Variants in RYR1 observed in about 807,000 individuals in gnomAD.
The protein encoded by RYR1 is ryanodine receptor 1.
In RYR1, 342 loss-of-function variants were observed where a neutral mutation model predicts 583.5. That is an observed-to-expected ratio of 0.59 (90% confidence interval 0.54 to 0.64). RYR1 has a LOEUF of 0.64. Ranked by LOEUF, RYR1 falls within the 30% of genes least tolerant of loss-of-function variation. The pLI is 0.00. For missense variants in RYR1, 6,032 were observed against 6,917.2 expected, an observed-to-expected ratio of 0.87 and a Z score of 4.54; for synonymous variants, 2,791 against 2,822.5, an observed-to-expected ratio of 0.99 and a Z score of 0.35.
At position 38,440,859 on chromosome 19, in the gene RYR1, G is replaced by A. The variant is rs749591578; in HGVS notation, c.160G>A (p.Ala54Thr). 3.1e-6 allele frequency: 5 copies of A among 1,612,088 alleles called. No individual in the cohort carries two copies. Among genetic ancestry groups the A allele is most frequent in the East Asian group, 2.2e-5 (1 of 44,860 alleles). ...RLCFLEPTSN[A>T]QNVPPDLAIC... ...GTGCTTCCTGGAGCCCACTAGCAAC[G>A]CGCAGGTCTGTGCAGGAGGGAGAGG... Residue 54 changes from alanine (A) to threonine (T), a missense_variant, in exon 2 of 106, where the codon GCG becomes ACG. This residue lies in a region of RYR1 where 71 missense variants were observed against 75.3 expected (regional missense o/e 0.94). Coordinates refer to ENST00000359596, the MANE Select transcript of RYR1 (RefSeq NM_000540.3).
At chr19:38,490,020 G>C in intron 35 of RYR1, 56 bp from the exon 36 acceptor site, 1 of 1,576,300 alleles carries the variant, frequency 6.3e-7, no homozygotes, top group Admixed American at 1.7e-5. Flanking sequence ...GAAGTTTCAA[G>C]GAAGTCCTGA....
intron 89 of RYR1, 130 bp from the exon 90 acceptor site, chr19:38,560,983 T>A: frequency 1.3e-5 from 10 of 792,732 alleles, no homozygotes; most frequent in Admixed American, 2.6e-5. Flanking sequence ...TGAGGCTGGG[T>A]TGAGCTGTGA....
Position 38,519,417 on chromosome 19 carries a change from C to A in RYR1, c.10222C>A (p.Leu3408Met), listed in dbSNP as rs749779472. Residue 3408 changes from leucine (L) to methionine (M), a missense_variant, in exon 67 of 106, where the codon CTG becomes ATG. Coordinates refer to ENST00000359596, the MANE Select transcript of RYR1 (RefSeq NM_000540.3). ...FSVLCRDLYA[L>M]YPLLIRYVDN... is the part of the protein sequence containing the mutation. ...TGTGCTCTGCCGGGACCTCTACGCC[C>A]TGTATCCGCTGCTCATCCGCTACGT... is the stretch of plus-strand genomic sequence containing the variant. The A allele has an allele frequency of 1.9e-6, 3 of 1,601,356 alleles. No individual in the cohort carries two copies. Among genetic ancestry groups the A allele is most frequent in the Non-Finnish European group, 2.6e-6 (3 of 1,174,998 alleles).
Position 38,485,613 on chromosome 19 carries a change from C to T in RYR1, c.4958C>T (p.Ser1653Leu), listed in dbSNP as rs1043661945. Reference sequence around the variant, plus strand: ...AGGTGCATGGACATCCTGGAGCTGTCGGAGCGCCTGGACCTGCAGCGCTTC... The same window carrying T: ...AGGTGCATGGACATCCTGGAGCTGTTGGAGCGCCTGGACCTGCAGCGCTTC... The part of the protein sequence containing the change: ...ENRCMDILEL[S>L]ERLDLQRFHS... Residue 1653 changes from serine (S) to leucine (L), a missense_variant, in exon 34 of 106, where the codon TCG becomes TTG. Ser to Leu is a moderately radical substitution (Grantham distance 145). This residue lies in a region of RYR1 where 2,627 missense variants were observed against 2,961.3 expected (regional missense o/e 0.89). Coordinates refer to ENST00000359596, the MANE Select transcript of RYR1 (RefSeq NM_000540.3). 5 of 1,609,674 alleles carry T rather than the reference C, an allele frequency of 3.1e-6. No homozygotes were observed. The highest frequency in any genetic ancestry group is 1.8e-4 in the Middle Eastern group (1 of 5,684).
At chr19:38,519,486 C>T (rs548687982) in intron 67 of RYR1, 32 bp downstream of exon 67, 24 of 1,571,412 alleles carry the variant, frequency 1.5e-5, no homozygotes, top group South Asian at 1.5e-4. Flanking sequence ...CCATGCCCTC[C>T]GCCCCGACCT....
rs1355994729 is a variant in RYR1 at position 38,565,191 on chromosome 19, C to A, written c.12857C>A (p.Ala4286Glu). 1 of 1,047,740 alleles carries A rather than the reference C, an allele frequency of 9.5e-7. No individual in the cohort carries two copies. The highest frequency in any genetic ancestry group is 1.1e-6 in the Non-Finnish European group (1 of 872,674). The allele number at this position is 1,047,740 out of a possible 1,614,324, so 64.9% of individuals were successfully genotyped here. ...GGCGCGGCGGGGCTCGAGGGCACGG[C>A]GGCCACGGCGGCGGCGGGGGCGACG... ...EEGAAGLEGT[A>E]ATAAAGATAR... is the part of the protein sequence containing the mutation. The change falls in exon 91 of 106, where the codon GCG becomes GAG. Residue 4286 changes from alanine (A) to glutamate (E), a missense_variant. Around this residue, in one of 11 missense-constraint regions of RYR1, gnomAD observed 753 missense variants for 759.6 expected, o/e 0.99. Transcript: ENST00000359596. The surrounding 1 kb of genome is among the most constrained non-coding windows in gnomAD (Gnocchi z 4.7).
rs961906973 is a variant in RYR1 at position 38,500,016 on chromosome 19, T to C, written c.7323T>C (p.His2441=). 4 of 1,613,612 alleles carry C rather than the reference T, an allele frequency of 2.5e-6. No individual in the cohort carries two copies. In the South Asian group the frequency reaches 3.3e-5, roughly 13 times the overall value. Residue 2441 remains histidine (H), a splice_region_variant and synonymous_variant, in exon 45 of 106, where the codon CAT becomes CAC. Transcript: ENST00000359596. The surrounding 1 kb of genome is among the most constrained non-coding windows in gnomAD (Gnocchi z 5.9). ...TCGGACGCTGTGCACCAGAGATGCATGTGAGACCCTGAGCCAGGGCAGGAT... is the reference window on the plus strand; with the variant it reads ...TCGGACGCTGTGCACCAGAGATGCACGTGAGACCCTGAGCCAGGGCAGGAT... ...DLLGRCAPEM[H]LIQAGKGEAL... is the part of the protein sequence containing the mutation.
chr19:38,467,156 C>T lies in RYR1; in HGVS notation c.3179-454C>T, dbSNP rs572787809. 4.6e-5 allele frequency among the ~76,000 whole-genome samples: 7 copies of T among 152,274 alleles called. No individual in the cohort carries two copies. The South Asian group carries it at 1.5e-3, about 32-fold the overall frequency. On this transcript the variant is annotated intron_variant, in intron 24 of 105. Coordinates refer to ENST00000359596, the MANE Select transcript of RYR1 (RefSeq NM_000540.3). Reference sequence around the variant, plus strand: ...ACCTATCACTGGCTTCCAATCCCAGCCTTGACCCCAAACCCTGGCCATGGT... The same window carrying T: ...ACCTATCACTGGCTTCCAATCCCAGTCTTGACCCCAAACCCTGGCCATGGT...
rs1399146871 is a variant in RYR1 at position 38,489,446 on chromosome 19, G to A, written c.5814+3G>A. The A allele has an allele frequency of 2.5e-6, 4 of 1,613,944 alleles. No homozygotes were observed. Among genetic ancestry groups the A allele is most frequent in the Admixed American group, 1.7e-5 (1 of 60,016 alleles). ...TGCCAGAGTCTGTGAAGTTACAGGT[G>A]GGCTGCTGCTTCCTGCTTTTCGGCC... is the stretch of plus-strand genomic sequence containing the variant. On this transcript the variant is annotated splice_donor_region_variant and intron_variant, in intron 35 of 105. Coordinates refer to ENST00000359596, the MANE Select transcript of RYR1 (RefSeq NM_000540.3).
intron 1 of RYR1, 33 bp from the exon 2 acceptor site, chr19:38,440,711 GC>G: frequency 1.9e-6 from 3 of 1,601,770 alleles, no homozygotes; most frequent in South Asian, 1.1e-5. Flanking sequence ...TCCGGGCCAG[GC>G]CCCCCTGGAG....
At chr19:38,456,726 A>T (rs10424073) in intron 16 of RYR1, among the ~76,000 whole-genome samples, 99,390 of 151,450 alleles carry the variant, frequency 0.66, 32,924 homozygotes, top group Middle Eastern at 0.7. Flanking sequence ...ATTCAGTCGG[A>T]GCAAAAGTAA....
chr19:38,585,880 A>AG (rs747943803), intron 102 of RYR1, 58 bp from the exon 103 acceptor site: 289 of 1,601,662 alleles, frequency 1.8e-4, no homozygotes, highest in Non-Finnish European at 2.3e-4. Flanking sequence ...GTAGCTGGAG[A>AG]GGGGGGAGTC....
chr19:38,517,713 C>G, intron 66 of RYR1, 22 bp downstream of exon 66: 1 of 1,608,804 alleles, frequency 6.2e-7, no homozygotes, highest in Non-Finnish European at 8.5e-7. Flanking sequence ...GGCACTGGGC[C>G]TCTGAGGGGT....
Position 38,489,722 on chromosome 19 carries a change from G to A in RYR1, c.5814+279G>A, listed in dbSNP as rs148816924. Among the ~76,000 whole-genome samples the A allele has an allele frequency of 8.4e-3, 1,279 of 152,206 alleles. 21 individuals are homozygous for A. Among genetic ancestry groups the A allele is most frequent in the African/African-American group, 0.029 (1,205 of 41,536 alleles). ...CGGCTCACTGTAACCTCCGCCTCCCGGGTTCAAGCAATTCTCCTGCCTCAG... is the reference window on the plus strand; with the variant it reads ...CGGCTCACTGTAACCTCCGCCTCCCAGGTTCAAGCAATTCTCCTGCCTCAG... On this transcript the variant is annotated intron_variant, in intron 35 of 105. Coordinates refer to ENST00000359596, the MANE Select transcript of RYR1 (RefSeq NM_000540.3).
Position 38,561,420 on chromosome 19 carries a change from C to G in RYR1, c.12590C>G (p.Ser4197Ter). 6.2e-7 allele frequency: 1 copy of G among 1,611,736 alleles called. No homozygotes were observed. Among genetic ancestry groups the G allele is most frequent in the Non-Finnish European group, 8.5e-7 (1 of 1,179,820 alleles). ...ATCGAGCGCATCTACTTCGAGATCT[C>G]AGAGACCAACCGCGCCCAGTGGGAG... ...RRIERIYFEISETNRAQWEMP... is the reference protein window; with the variant it reads ...RRIERIYFEI Residue 4197 changes from serine (S) to a stop codon, truncating the protein, a stop_gained, in exon 90 of 106, where the codon TCA (serine) becomes TGA (stop). Coordinates refer to ENST00000359596, the MANE Select transcript of RYR1 (RefSeq NM_000540.3). LOFTEE classifies it high-confidence loss of function. The surrounding 1 kb of genome is among the most constrained non-coding windows in gnomAD (Gnocchi z 4.8).
intron 25 of RYR1, 89 bp downstream of exon 25, chr19:38,467,901 C>T: frequency 7.9e-7 from 1 of 1,262,440 alleles, no homozygotes. Flanking sequence ...CTGTGCCTCA[C>T]TCTGTCCCCA....
chr19:38,547,069 C>T (rs1477345673), intron 88 of RYR1, among the ~76,000 whole-genome samples: 2 of 150,000 alleles, frequency 1.3e-5, no homozygotes, highest in Admixed American at 6.6e-5. Flanking sequence ...GACGGAGTCT[C>T]GCTCTGCCGC....
chr19:38,527,631 T>G lies in RYR1; in HGVS notation c.10687-16T>G, dbSNP rs1413677248. 1.2e-6 allele frequency: 2 copies of G among 1,613,776 alleles called. No individual in the cohort carries two copies. Among genetic ancestry groups the G allele is most frequent in the Non-Finnish European group, 1.7e-6 (2 of 1,179,928 alleles). On this transcript the variant is annotated splice_polypyrimidine_tract_variant and intron_variant, in intron 72 of 105. Transcript: ENST00000359596. ...AAGGGTCCCTCACGCCGGCCACTCC[T>G]TCTTCCTCCCTTCAGGTCGAAGGCT...
In RYR1 at chr19:38,477,884, GGGGA is replaced by G; in HGVS notation, c.4454+17_4454+20del. On this transcript the variant is annotated intron_variant, in intron 30 of 105. Coordinates refer to ENST00000359596, the MANE Select transcript of RYR1 (RefSeq NM_000540.3). Reference sequence around the variant, plus strand: ...CGTCCACAGCAGGTGCCGGGGCTGGGGGGAGGTGGGAGGTGCAGGGTGGGGAGGG... The same window carrying G: ...CGTCCACAGCAGGTGCCGGGGCTGGGGGTGGGAGGTGCAGGGTGGGGAGGG... The G allele has an allele frequency of 1.2e-6, 2 of 1,604,992 alleles. No homozygotes were observed. Among genetic ancestry groups the G allele is most frequent in the Non-Finnish European group, 1.7e-6 (2 of 1,173,734 alleles).
Sources: gnomAD v4.1 joint callset for allele counts (sites outside exome capture counted in the v4.1 genomes callset) on GRCh38, gnomAD v4.1.1 for gene constraint, gnomAD v4.1.1 regional missense constraint, Gnocchi (gnomAD v3.1) non-coding constraint, MANE v1.5 for transcripts, NCBI Gene and HGNC (gene_info 2026-07-23, HGNC 2026-07-21) for gene names.